Variants in SV2C observed in about 807,000 individuals in gnomAD.
SV2C encodes synaptic vesicle glycoprotein 2C, also known as solute carrier family 22 member B3.
A neutral mutation model predicts 79.7 loss-of-function variants in SV2C; 49 were observed. The observed-to-expected ratio is 0.61, with a 90% CI of 0.49 to 0.78. SV2C has a LOEUF of 0.78. Ranked by LOEUF, SV2C falls within the 30% of genes least tolerant of loss-of-function variation. SV2C has a pLI of 0.00. For synonymous variants in SV2C, 334 were observed against 333.2 expected (o/e 1.00, Z -0.03); for missense variants, 833 against 912.9 (o/e 0.91, Z 1.13).
intron 12 of SV2C, chr5:76,352,980 T>C: frequency 9.8e-6 from 2 of 204,256 alleles, no homozygotes; most frequent in South Asian, 5.7e-5. Flanking sequence ...CTTGCTCTGT[T>C]GCCCAGGCTA....
chr5:76,291,964 A>T (rs1170957949), intron 8 of SV2C, 108 bp downstream of exon 8: 1 of 752,922 alleles, frequency 1.3e-6, no homozygotes, highest in Non-Finnish European at 2.1e-6. Flanking sequence ...TTAACCTGCT[A>T]AGGAAGAAAT....
At chr5:76,046,198 G>C in the SV2C span, among the ~76,000 whole-genome samples, 35,152 of 152,002 alleles carry the variant, frequency 0.23, 4,414 homozygotes, top group East Asian at 0.49. Flanking sequence ...ATCCTATCCT[G>C]TAATTGGAAA....
At chr5:76,158,202 A>G (rs907163501) in intron 2 of SV2C, among the ~76,000 whole-genome samples, 22 of 152,068 alleles carry the variant, frequency 1.4e-4, no homozygotes, top group African/African-American at 5.3e-4. Context: ...CAATAAAGAC[A>G]TTAAATACTT....
chr5:75,892,886 T>A, the SV2C span, among the ~76,000 whole-genome samples: 1 of 152,110 alleles, frequency 6.6e-6, no homozygotes, highest in African/African-American at 2.4e-5. Flanking sequence ...GATGAACATA[T>A]GAGTGCATGT....
At chr5:75,905,732 C>T in the SV2C span, among the ~76,000 whole-genome samples, 1 of 151,864 alleles carries the variant, frequency 6.6e-6, no homozygotes, top group Non-Finnish European at 1.5e-5. Context: ...AAAAATGGGA[C>T]TTGCATAACT....
the SV2C span, among the ~76,000 whole-genome samples, chr5:76,048,830 TG>T: frequency 2.0e-4 from 22 of 110,168 alleles, no homozygotes; most frequent in Non-Finnish European, 3.8e-4. Flanking sequence ...AAAAAAATTT[TG>T]GGGCTGTTTA....
At chr5:75,961,002 C>T in the SV2C span, among the ~76,000 whole-genome samples, 8 of 151,976 alleles carry the variant, frequency 5.3e-5, no homozygotes, top group South Asian at 1.7e-3. Context: ...GGAAGGCCCA[C>T]CCCTAGTATT....
At chr5:75,924,906 G>A in the SV2C span, among the ~76,000 whole-genome samples, 17 of 152,118 alleles carry the variant, frequency 1.1e-4, no homozygotes, top group East Asian at 3.3e-3. Flanking sequence ...ACAAAAGGAT[G>A]TTTTGAAGAA....
At chr5:75,899,630 T>G in the SV2C span, among the ~76,000 whole-genome samples, 1 of 152,148 alleles carries the variant, frequency 6.6e-6, no homozygotes, top group African/African-American at 2.4e-5. Flanking sequence ...TTGTTAACTT[T>G]CTGTCTCGTT....
chr5:76,098,942 A>G (rs1026217187), intron 1 of SV2C, among the ~76,000 whole-genome samples: 4 of 152,190 alleles, frequency 2.6e-5, no homozygotes, highest in African/African-American at 9.7e-5. Flanking sequence ...TTGCCCACTG[A>G]TGGGGAGAAT....
At chr5:76,189,060 C>T (rs1333057769) in intron 2 of SV2C, among the ~76,000 whole-genome samples, 1 of 152,150 alleles carries the variant, frequency 6.6e-6, no homozygotes, top group African/African-American at 2.4e-5. Context: ...GCAGGACTGA[C>T]TGACCCAACA....
At chr5:76,000,798 T>A in the SV2C span, among the ~76,000 whole-genome samples, 1 of 152,176 alleles carries the variant, frequency 6.6e-6, no homozygotes, top group Non-Finnish European at 1.5e-5. Context: ...CACAGAGCTC[T>A]GACTCAGCTG....
At position 76,330,533 on chromosome 5, in the gene SV2C, C is replaced by T. The variant is rs1000365634; in HGVS notation, c.*4986C>T. On this transcript the variant is annotated 3_prime_UTR_variant, in exon 13 of 13. Coordinates refer to ENST00000502798, the MANE Select transcript of SV2C (RefSeq NM_014979.4). Reference sequence around the variant, plus strand: ...ATGAGAGAAGACACTCTCACACTGACCCCCATTACATGTGAACCCTCCGCG... The same window carrying T: ...ATGAGAGAAGACACTCTCACACTGATCCCCATTACATGTGAACCCTCCGCG... 2.0e-5 allele frequency: 3 copies of T among 149,558 alleles called. No individual in the cohort carries two copies. The highest frequency in any genetic ancestry group is 6.7e-5 in the Admixed American group (1 of 14,890). 9.3% of individuals were successfully genotyped at this position (149,558 alleles called of 1,614,324 possible).
the SV2C span, among the ~76,000 whole-genome samples, chr5:76,056,427 C>T: frequency 6.6e-6 from 1 of 152,068 alleles, no homozygotes; most frequent in African/African-American, 2.4e-5. Flanking sequence ...CATGGATGTT[C>T]ATCAGGGATA....
chr5:76,174,407 G>A (rs566201404), intron 2 of SV2C, among the ~76,000 whole-genome samples: 27 of 152,346 alleles, frequency 1.8e-4, no homozygotes, highest in African/African-American at 5.8e-4. Flanking sequence ...TGTTGGGGTG[G>A]GAGTTAATAA....
rs376469626 is a variant in SV2C at position 76,191,606 on chromosome 5, T to C, written c.581-3313T>C. Among the ~76,000 whole-genome samples, 15 of 152,196 alleles carry C rather than the reference T, an allele frequency of 9.9e-5. 1 individual carries two copies. The East Asian group carries it at 1.3e-3, about 14-fold the overall frequency. On this transcript the variant is annotated intron_variant, in intron 2 of 12. Coordinates refer to ENST00000502798, the MANE Select transcript of SV2C (RefSeq NM_014979.4). ...TTGTCAGAAAGAATCTAAAGCAGCTTAGCAAAGAGACAGAAATGTAAATGT... is the reference window on the plus strand; with the variant it reads ...TTGTCAGAAAGAATCTAAAGCAGCTCAGCAAAGAGACAGAAATGTAAATGT...
chr5:76,237,443 G>A (rs73766734), intron 4 of SV2C, among the ~76,000 whole-genome samples: 17,898 of 152,098 alleles, frequency 0.12, 3,059 homozygotes, highest in African/African-American at 0.38. Flanking sequence ...TTCTCCGAGA[G>A]TTCTTGGTCC....
At chr5:76,105,947 C>A (rs1747896182) in intron 1 of SV2C, among the ~76,000 whole-genome samples, 1 of 152,164 alleles carries the variant, frequency 6.6e-6, no homozygotes, top group East Asian at 1.9e-4. Context: ...CTCATCCATT[C>A]TTGTGGCTTC....
At chr5:76,191,097 C>T (rs1396195221) in intron 2 of SV2C, among the ~76,000 whole-genome samples, 1 of 152,050 alleles carries the variant, frequency 6.6e-6, no homozygotes, top group Non-Finnish European at 1.5e-5. Context: ...GCTGGGGAGG[C>T]CTCAGGAAAC....
Sources: allele counts gnomAD v4.1 joint callset (sites outside exome capture counted in the v4.1 genomes callset), GRCh38; gene constraint gnomAD v4.1.1; transcripts MANE v1.5; gene names NCBI Gene and HGNC (gene_info 2026-07-23, HGNC 2026-07-21).